Variants in TMBIM4 observed in about 807,000 individuals in gnomAD.
TMBIM4 encodes the protein protein lifeguard 4.
TMBIM4 carries 28 observed loss-of-function variants against 27.7 expected under a neutral mutation model. The ratio of observed to expected loss-of-function variants is 1.01; its 90% CI spans 0.75 to 1.38. The LOEUF (loss-of-function observed/expected upper bound fraction) is 1.38, where lower values mean the gene tolerates loss of function less well. TMBIM4 is among the 40% of genes most tolerant of loss of function. TMBIM4 has a pLI of 0.00. For missense variants in TMBIM4, 265 were observed against 277.5 expected (o/e 0.95, Z 0.32); for synonymous variants, 115 against 113.1 (o/e 1.02, Z -0.11).
chr12:66,143,371 C>A (rs1045115241), intron 5 of TMBIM4, among the ~76,000 whole-genome samples: 1 of 152,136 alleles, frequency 6.6e-6, no homozygotes, highest in Non-Finnish European at 1.5e-5. Context: ...TAAAAAATAA[C>A]TTACAAACAG....
chr12:66,151,013 C>T (rs2051836302), intron 3 of TMBIM4, among the ~76,000 whole-genome samples: 2 of 152,150 alleles, frequency 1.3e-5, no homozygotes, highest in Admixed American at 6.5e-5. Flanking sequence ...GCTCTTACAT[C>T]CTTAAACTCC....
Position 66,136,245 on chromosome 12 carries a change from A to G in TMBIM4, c.*1715T>C, listed in dbSNP as rs2051580085. ...AGGCAGAAGACCTAAGGAAGGATAA[A>G]TAATTCGCCAAATGTCACTTAAGCA... On this transcript the variant is annotated 3_prime_UTR_variant, in exon 7 of 7. Transcript: ENST00000358230. 1 of 152,228 alleles carries G rather than the reference A, an allele frequency of 6.6e-6. No individual in the cohort carries two copies. The highest frequency in any genetic ancestry group is 2.4e-5 in the African/African-American group (1 of 41,454). The allele number at this position is 152,228 out of a possible 1,614,324, so 9.4% of individuals were successfully genotyped here. A position where few individuals can be genotyped will look rare whatever the true frequency, so the allele number is the denominator to read the frequency against.
chr12:66,155,704 T>C (rs1356446723), intron 1 of TMBIM4, among the ~76,000 whole-genome samples: 2 of 152,156 alleles, frequency 1.3e-5, no homozygotes, highest in Non-Finnish European at 2.9e-5. Context: ...ATATGATATA[T>C]ATTCTCTCAA....
rs965646430 is a variant in TMBIM4, at chr12:66,160,266, C to A, written c.98-6818G>T. ...TGTGGCTGAGGGTGCAGAAGGTATC[C>A]TCATATATTGTTTGCTGAAGGTACA... On this transcript the variant is annotated intron_variant, in intron 1 of 6. Transcript: ENST00000358230. The A allele has an allele frequency of 5.7e-6, 4 of 702,848 alleles. No homozygotes were observed. In the African/African-American group the frequency reaches 7.0e-5, roughly 12 times the overall value. 43.5% of individuals were successfully genotyped at this position (702,848 alleles called of 1,614,324 possible).
intron 5 of TMBIM4, among the ~76,000 whole-genome samples, chr12:66,141,599 A>C (rs2051669361): frequency 6.6e-6 from 1 of 152,102 alleles, no homozygotes; most frequent in South Asian, 2.1e-4. Flanking sequence ...TGTAAATATA[A>C]AGACACAAAT....
At chr12:66,160,914 T>C (rs1033206717) in intron 1 of TMBIM4, among the ~76,000 whole-genome samples, 1 of 110,298 alleles carries the variant, frequency 9.1e-6, no homozygotes, top group Non-Finnish European at 1.8e-5. Flanking sequence ...TCCCAGACGG[T>C]GAGGGGGTGG....
At chr12:66,163,533 G>T (rs1206857403) in intron 1 of TMBIM4, among the ~76,000 whole-genome samples, 1 of 152,062 alleles carries the variant, frequency 6.6e-6, no homozygotes, top group Non-Finnish European at 1.5e-5. Context: ...AAGCAAAAGG[G>T]GGAAAGGGCC....
Position 66,145,859 on chromosome 12 carries a change from A to C in TMBIM4, c.446T>G (p.Phe149Cys). 2 of 1,596,314 alleles carry C rather than the reference A, an allele frequency of 1.3e-6. No homozygotes were observed. Among genetic ancestry groups the C allele is most frequent in the Non-Finnish European group, 8.6e-7 (1 of 1,167,778 alleles). Residue 149 changes from phenylalanine (F) to cysteine (C), a missense_variant, in exon 5 of 7, where the codon TTC becomes TGC. Coordinates refer to ENST00000358230, the MANE Select transcript of TMBIM4 (RefSeq NM_016056.4). The stretch of plus-strand genomic sequence containing the variant: ...AACTTACCCTGCTCCAAATTTGCTG[A>C]AATCCTTCTTAGATTGTAGAGTATA... The part of the protein sequence containing the change: ...TVYTLQSKKD[F>C]SKFGAGLFAL...
rs397734805 is a variant in TMBIM4 at position 66,165,435 on chromosome 12, T to TC, written c.97+4419dup. ...TATATGATCCTTTTTTTTTTTTTTT[T>TC]CAGACACGGTCTCCCTCTGTTGCCT... On this transcript the variant is annotated intron_variant, in intron 1 of 6. Transcript: ENST00000358230. 7.5e-4 allele frequency among the ~76,000 whole-genome samples: 113 copies of TC among 151,566 alleles called. 1 individual carries two copies. In the South Asian group the frequency reaches 0.021, roughly 28 times the overall value.
At chr12:66,154,014 A>G (rs1444889552) in intron 1 of TMBIM4, among the ~76,000 whole-genome samples, 1 of 152,118 alleles carries the variant, frequency 6.6e-6, no homozygotes, top group Non-Finnish European at 1.5e-5. Context: ...ATATTTTGTT[A>G]TCAATACCCA....
chr12:66,150,185 G>A (rs1247688597), intron 3 of TMBIM4, among the ~76,000 whole-genome samples: 1 of 152,076 alleles, frequency 6.6e-6, no homozygotes, highest in African/African-American at 2.4e-5. Context: ...CTGAGAGGAG[G>A]CTACATGTAG....
chr12:66,147,870 A>C, intron 4 of TMBIM4, 38 bp downstream of exon 4: 17 of 1,573,268 alleles, frequency 1.1e-5, no homozygotes, highest in Non-Finnish European at 1.5e-5. Flanking sequence ...CTACATTAAA[A>C]AGTTATTATA....
chr12:66,153,259 A>G (rs1204932537), intron 2 of TMBIM4, 81 bp downstream of exon 2: 1 of 840,066 alleles, frequency 1.2e-6, no homozygotes, highest in Non-Finnish European at 1.9e-6. Flanking sequence ...GTTAATAGAA[A>G]AAAGTGGATT....
intron 1 of TMBIM4, among the ~76,000 whole-genome samples, chr12:66,166,516 C>T (rs2052133608): frequency 6.9e-6 from 1 of 145,180 alleles, no homozygotes; most frequent in African/African-American, 2.6e-5. Context: ...AGAAGAAACA[C>T]AAATGGCAAA....
At chr12:66,153,295 A>T in intron 2 of TMBIM4, 45 bp downstream of exon 2, 1 of 1,128,808 alleles carries the variant, frequency 8.9e-7, no homozygotes, top group South Asian at 1.4e-5. Context: ...CTTTTTGATC[A>T]TATGCAATGT....
chr12:66,163,970 A>T (rs1255876380), intron 1 of TMBIM4, among the ~76,000 whole-genome samples: 1 of 152,198 alleles, frequency 6.6e-6, no homozygotes, highest in Non-Finnish European at 1.5e-5. Context: ...CATTAAAAGG[A>T]TTATAGATCA....
At chr12:66,165,443 G>C in intron 1 of TMBIM4, among the ~76,000 whole-genome samples, 1 of 141,918 alleles carries the variant, frequency 7.0e-6, no homozygotes, top group Admixed American at 7.2e-5. Flanking sequence ...TTTCAGACAC[G>C]GTCTCCCTCT....
At chr12:66,154,957 G>C (rs906867529) in intron 1 of TMBIM4, among the ~76,000 whole-genome samples, 2 of 152,138 alleles carry the variant, frequency 1.3e-5, no homozygotes, top group African/African-American at 4.8e-5. Context: ...TGACTCATAA[G>C]AACACTGAGT....
chr12:66,164,942 G>A (rs970808885), intron 1 of TMBIM4, among the ~76,000 whole-genome samples: 2 of 151,944 alleles, frequency 1.3e-5, no homozygotes, highest in Non-Finnish European at 2.9e-5. Flanking sequence ...ACAATGAGAA[G>A]GTTGGAAAGA....
Sources: allele counts gnomAD v4.1 joint callset (sites outside exome capture counted in the v4.1 genomes callset), GRCh38; gene constraint gnomAD v4.1.1; transcripts MANE v1.5; gene names NCBI Gene and HGNC (gene_info 2026-07-23, HGNC 2026-07-21).